The following SPTBN1 variants were observed in gnomAD, a reference collection of about 807,000 sequenced individuals.
SPTBN1 encodes the protein spectrin beta, non-erythrocytic 1.
A neutral mutation model predicts 266.4 loss-of-function variants in SPTBN1; 32 were observed. The ratio of observed to expected loss-of-function variants is 0.12; its 90% CI spans 0.09 to 0.16. The LOEUF (loss-of-function observed/expected upper bound fraction) is 0.16. Ranked by LOEUF, SPTBN1 falls within the 10% of genes least tolerant of loss-of-function variation. The pLI is 1.00. For synonymous variants in SPTBN1, 1,336 were observed against 1,162.2 expected, an observed-to-expected ratio of 1.15 and a Z score of -3.04; for missense variants, 2,296 against 3,067.1, an observed-to-expected ratio of 0.75 and a Z score of 5.94.
chr2:54,482,688 A>C (rs1039481816), intron 1 of SPTBN1, among the ~76,000 whole-genome samples: 10 of 152,226 alleles, frequency 6.6e-5, no homozygotes, highest in African/African-American at 2.4e-4. Flanking sequence ...CACATGGCTC[A>C]TGGCTGCCCT....
chr2:54,666,906 T>C (rs907135), intron 34 of SPTBN1, among the ~76,000 whole-genome samples: 104,038 of 152,092 alleles, frequency 0.68, 36,291 homozygotes, highest in Non-Finnish European at 0.75. Flanking sequence ...CTTTGGGTCC[T>C]GGAACACTTT....
At chr2:54,608,007 G>A (rs1342852817) in intron 3 of SPTBN1, among the ~76,000 whole-genome samples, 1 of 152,194 alleles carries the variant, frequency 6.6e-6, no homozygotes. Flanking sequence ...CTACCCAGGG[G>A]AAGAGCAGGG....
intron 3 of SPTBN1, among the ~76,000 whole-genome samples, chr2:54,607,079 T>G (rs1399472457): frequency 1.3e-5 from 2 of 152,246 alleles, no homozygotes; most frequent in African/African-American, 4.8e-5. Context: ...TTTCTTTTTT[T>G]GGGGTAAGGA....
intron 1 of SPTBN1, among the ~76,000 whole-genome samples, chr2:54,472,032 T>TG (rs952318437): frequency 1.6e-5 from 2 of 126,128 alleles, no homozygotes; most frequent in Non-Finnish European, 3.3e-5. Context: ...GTTTTTTTTT[T>TG]TTTTTTTTTT....
In SPTBN1 at chr2:54,618,167, G is replaced by T. The variant is rs1364793953; in HGVS notation, c.737G>T (p.Gly246Val). The T allele has an allele frequency of 6.2e-7, 1 of 1,614,128 alleles. No individual in the cohort carries two copies. ...NAFNLAEQHL[G>V]LTKLLDPEDI... ...TTTAATCTGGCAGAACAGCACCTCG[G>T]CCTCACTAAACTGTTGGACCCCGAA... Residue 246 changes from glycine to valine, a missense_variant, in exon 7 of 36, where the codon GGC becomes GTC. Transcript: ENST00000356805.
At chr2:54,559,166 C>T (rs1573411235) in intron 2 of SPTBN1, among the ~76,000 whole-genome samples, 2 of 152,298 alleles carry the variant, frequency 1.3e-5, no homozygotes, top group South Asian at 2.1e-4. Context: ...GCTAACTTTA[C>T]CTCCTAGTAG....
At position 54,533,848 on chromosome 2, in the gene SPTBN1, G is replaced by A. The variant is rs995234200; in HGVS notation, c.148+7282G>A. On this transcript the variant is annotated intron_variant, in intron 2 of 35. Transcript: ENST00000356805. This position sits in a 1 kb window ranked among gnomAD's most constrained non-coding sequence, Gnocchi z 4.2. ...TTACAGGCGTGAGCCTCCACGCCCG[G>A]CCTGCTGTAGTAATTTAGGGGGAAA... Among the ~76,000 whole-genome samples the A allele has an allele frequency of 2.6e-5, 4 of 152,086 alleles. No individual in the cohort carries two copies. Among genetic ancestry groups the A allele is most frequent in the African/African-American group, 9.7e-5 (4 of 41,396 alleles).
At chr2:54,614,724 A>C (rs1325026502) in intron 4 of SPTBN1, among the ~76,000 whole-genome samples, 3 of 152,030 alleles carry the variant, frequency 2.0e-5, no homozygotes, top group Non-Finnish European at 4.4e-5. Context: ...AATCGCTTGA[A>C]TATGGGAGGC....
rs533944789 is a variant in SPTBN1 at position 54,671,213 on chromosome 2, G to A, written c.*2644G>A. ...GGATGCATCTTCTGATGGCACTTCCGGAACTGGCTGTGGTTTTTTTGGGTG... is the reference window on the plus strand; with the variant it reads ...GGATGCATCTTCTGATGGCACTTCCAGAACTGGCTGTGGTTTTTTTGGGTG... On this transcript the variant is annotated 3_prime_UTR_variant, in exon 36 of 36. Transcript: ENST00000356805. 66 of 158,438 alleles carry A rather than the reference G, an allele frequency of 4.2e-4. No individual in the cohort carries two copies. Among genetic ancestry groups the A allele is most frequent in the Admixed American group, 4.0e-3 (61 of 15,422 alleles). The allele number at this position is 158,438 out of a possible 1,614,324, so 9.8% of individuals were successfully genotyped here.
intron 2 of SPTBN1, among the ~76,000 whole-genome samples, chr2:54,565,238 G>C (rs79621346): frequency 0.024 from 3,620 of 152,296 alleles, 143 homozygotes; most frequent in African/African-American, 0.08. Flanking sequence ...GGTGGGGATG[G>C]AGAAGCAGAC....
chr2:54,634,821 T>TA (rs1679009175), intron 17 of SPTBN1, among the ~76,000 whole-genome samples: 1 of 152,190 alleles, frequency 6.6e-6, no homozygotes, highest in African/African-American at 2.4e-5. Context: ...ACACTGACTC[T>TA]AACAGATGTG....
At chr2:54,477,293 G>A (rs957492375) in intron 1 of SPTBN1, among the ~76,000 whole-genome samples, 4 of 151,912 alleles carry the variant, frequency 2.6e-5, no homozygotes, top group Non-Finnish European at 4.4e-5. Flanking sequence ...TAAACTTTAG[G>A]TAAGAAGGAG....
chr2:54,523,608 C>T (rs1023562631), intron 1 of SPTBN1, among the ~76,000 whole-genome samples: 1 of 152,304 alleles, frequency 6.6e-6, no homozygotes, highest in African/African-American at 2.4e-5. Context: ...TTGCATGTGG[C>T]ATGTGTGGTT....
intron 2 of SPTBN1, among the ~76,000 whole-genome samples, chr2:54,581,114 T>A (rs10182538): frequency 0.34 from 50,991 of 151,026 alleles, 11,083 homozygotes; most frequent in African/African-American, 0.63. Flanking sequence ...AAAGAAAAAA[T>A]ATATAAATAT....
intron 1 of SPTBN1, among the ~76,000 whole-genome samples, chr2:54,487,811 C>CTCTTCT (rs1169652612): frequency 7.3e-5 from 10 of 137,308 alleles, no homozygotes; most frequent in Admixed American, 1.5e-4. Flanking sequence ...TATTAATTCA[C>CTCTTCT]TTGATGGTCT....
chr2:54,591,232 C>G (rs1002806139), intron 2 of SPTBN1, among the ~76,000 whole-genome samples: 1 of 152,182 alleles, frequency 6.6e-6, no homozygotes, highest in Non-Finnish European at 1.5e-5. Flanking sequence ...CTAATACTCT[C>G]AATTTCAGAT....
At chr2:54,503,040 A>T (rs1368526294) in intron 1 of SPTBN1, among the ~76,000 whole-genome samples, 1 of 152,204 alleles carries the variant, frequency 6.6e-6, no homozygotes, top group East Asian at 1.9e-4. Context: ...TAGTAATCAC[A>T]TTGGATTTTA....
chr2:54,575,505 C>T (rs1674398573), intron 2 of SPTBN1, among the ~76,000 whole-genome samples: 1 of 152,236 alleles, frequency 6.6e-6, no homozygotes, highest in Non-Finnish European at 1.5e-5. Flanking sequence ...CGTCCACCCA[C>T]TTGTGGATAC....
intron 1 of SPTBN1, among the ~76,000 whole-genome samples, chr2:54,515,460 T>G (rs538675187): frequency 6.6e-6 from 1 of 152,284 alleles, no homozygotes; most frequent in East Asian, 1.9e-4. Context: ...ATTTTTTTCT[T>G]TAGCTTGGAT....
Sources: allele counts gnomAD v4.1 joint callset (sites outside exome capture counted in the v4.1 genomes callset), GRCh38; gene constraint gnomAD v4.1.1; non-coding constraint Gnocchi (gnomAD v3.1); transcripts MANE v1.5; gene names NCBI Gene and HGNC (gene_info 2026-07-23, HGNC 2026-07-21).